The following ASH1L variants were observed in gnomAD, a reference collection of about 807,000 sequenced individuals.
ASH1L encodes histone-lysine N-methyltransferase ASH1L.
Under a neutral mutation model 269.0 loss-of-function variants are expected in ASH1L, and 23 were observed. The observed-to-expected ratio is 0.09, with a 90% CI of 0.06 to 0.12. ASH1L has a LOEUF of 0.12. Ranked by LOEUF, ASH1L falls within the 10% of genes least tolerant of loss-of-function variation. The pLI is 1.00. For missense variants in ASH1L, 2,912 were observed against 3,567.8 expected (o/e 0.82, Z 4.68); for synonymous variants, 1,187 against 1,253.5 (o/e 0.95, Z 1.12).
At chr1:155,339,294 C>T in intron 26 of ASH1L, 34 bp downstream of exon 26, 4 of 1,602,092 alleles carry the variant, frequency 2.5e-6, no homozygotes, top group Non-Finnish European at 3.4e-6. Context: ...TTAGTCAATC[C>T]CTTAGGATCC....
intron 2 of ASH1L, among the ~76,000 whole-genome samples, chr1:155,506,247 A>C (rs2148807155): frequency 6.6e-6 from 1 of 152,382 alleles, no homozygotes; most frequent in Non-Finnish European, 1.5e-5. Flanking sequence ...ACAAAGGAAA[A>C]AAATCCAAAA....
chr1:155,345,935 A>C, intron 21 of ASH1L: 1 of 333,378 alleles, frequency 3.0e-6, no homozygotes, highest in South Asian at 2.4e-5. Flanking sequence ...GGGTTCTAGC[A>C]GTTCTCTTGC....
chr1:155,554,463 G>A (rs1052977600), intron 1 of ASH1L, among the ~76,000 whole-genome samples: 3 of 152,038 alleles, frequency 2.0e-5, no homozygotes. Context: ...GTAGAGATGG[G>A]ATTTCTCCAT....
Position 155,410,366 on chromosome 1 carries a change from C to T in ASH1L, c.6008+5378G>A, listed in dbSNP as rs183409983. Among the ~76,000 whole-genome samples, 83 of 152,092 alleles carry T rather than the reference C, an allele frequency of 5.5e-4. No homozygotes were observed. The East Asian group carries it at 0.013, about 23-fold the overall frequency. ...TCACCCAGGCTGGAGTGCAATGGTG[C>T]GATCTCGGCTCACTGCAACCTCTGC... is the stretch of plus-strand genomic sequence containing the variant. On this transcript the variant is annotated intron_variant, in intron 6 of 27. Coordinates refer to ENST00000392403, the MANE Select transcript of ASH1L (RefSeq NM_018489.3).
At chr1:155,485,670 T>C (rs1273270108) in intron 2 of ASH1L, among the ~76,000 whole-genome samples, 1 of 151,980 alleles carries the variant, frequency 6.6e-6, no homozygotes, top group East Asian at 1.9e-4. Flanking sequence ...TAAAAGGCTA[T>C]ACTTTTAAGA....
At chr1:155,404,904 T>C (rs2148508510) in intron 6 of ASH1L, among the ~76,000 whole-genome samples, 1 of 151,926 alleles carries the variant, frequency 6.6e-6, no homozygotes, top group Middle Eastern at 3.4e-3. Flanking sequence ...GGTGCGTGCC[T>C]GTGGTCCCAG....
At position 155,335,781 on chromosome 1, in the gene ASH1L, T is replaced by G. The variant is rs932938086; in HGVS notation, c.*1879A>C. 1.3e-5 allele frequency: 2 copies of G among 152,690 alleles called. No individual in the cohort carries two copies. Among genetic ancestry groups the G allele is most frequent in the African/African-American group, 2.4e-5 (1 of 41,416 alleles). The allele number at this position is 152,690 out of a possible 1,614,324, so 9.5% of individuals were successfully genotyped here. ...AAGTTTTTTTTTCTTTTTCATCTTT[T>G]TTAAAATTTTAGTGTTTAACACTAT... is the stretch of plus-strand genomic sequence containing the variant. On this transcript the variant is annotated 3_prime_UTR_variant, in exon 28 of 28. Transcript: ENST00000392403.
Position 155,337,602 on chromosome 1 carries a change from G to A in ASH1L, c.*58C>T. The A allele has an allele frequency of 7.0e-7, 1 of 1,437,358 alleles. No individual in the cohort carries two copies. Among genetic ancestry groups the A allele is most frequent in the Non-Finnish European group, 9.8e-7 (1 of 1,020,430 alleles). 89.0% of individuals were successfully genotyped at this position (1,437,358 alleles called of 1,614,324 possible). A position where few individuals can be genotyped will look rare whatever the true frequency, so the allele number is the denominator to read the frequency against. On this transcript the variant is annotated 3_prime_UTR_variant, in exon 28 of 28. Coordinates refer to ENST00000392403, the MANE Select transcript of ASH1L (RefSeq NM_018489.3). ...CCCTGTCTATACCCAGAGAGCAGGA[G>A]GCAGGACTGATTAGCTCCACTGGAT...
chr1:155,515,971 A>C (rs1032157282), intron 2 of ASH1L, among the ~76,000 whole-genome samples: 2 of 152,054 alleles, frequency 1.3e-5, no homozygotes, highest in African/African-American at 4.8e-5. Context: ...AGAAAACTTT[A>C]TCCTTTGAGG....
At chr1:155,483,085 C>G (rs1666067026) in intron 2 of ASH1L, among the ~76,000 whole-genome samples, 2 of 152,146 alleles carry the variant, frequency 1.3e-5, no homozygotes, top group Admixed American at 6.5e-5. Context: ...AAGTCATTTA[C>G]CGTAAAATGC....
intron 12 of ASH1L, among the ~76,000 whole-genome samples, chr1:155,361,970 C>G (rs1558032305): frequency 2.0e-5 from 3 of 151,602 alleles, no homozygotes; most frequent in Admixed American, 6.6e-5. Context: ...CTACCAATCT[C>G]TATCACATGA....
chr1:155,513,517 G>A (rs922215757), intron 2 of ASH1L, among the ~76,000 whole-genome samples: 1 of 150,944 alleles, frequency 6.6e-6, no homozygotes, highest in African/African-American at 2.4e-5. Flanking sequence ...GCTGCAGTGA[G>A]CTGTGATTAT....
chr1:155,512,696 C>A (rs1206187584), intron 2 of ASH1L, among the ~76,000 whole-genome samples: 1 of 151,654 alleles, frequency 6.6e-6, no homozygotes, highest in Non-Finnish European at 1.5e-5. Flanking sequence ...AAGTGATCCA[C>A]CCGCCTCGGC....
chr1:155,381,219 T>C (rs1656915409), intron 7 of ASH1L, among the ~76,000 whole-genome samples: 1 of 152,244 alleles, frequency 6.6e-6, no homozygotes, highest in East Asian at 1.9e-4. Context: ...ATTAATATAC[T>C]ATACTTTTCA....
chr1:155,498,745 G>A (rs1006230588), intron 2 of ASH1L, among the ~76,000 whole-genome samples: 5 of 151,922 alleles, frequency 3.3e-5, no homozygotes, highest in African/African-American at 4.8e-5. Flanking sequence ...CTGACCAGCC[G>A]GCTAGTTTTT....
intron 10 of ASH1L, among the ~76,000 whole-genome samples, chr1:155,374,041 T>G (rs777583477): frequency 4.6e-5 from 7 of 152,090 alleles, no homozygotes; most frequent in Non-Finnish European, 1.0e-4. Context: ...TAATAATAAT[T>G]TTAAAGGCCG....
chr1:155,437,282 T>C (rs1454747244), intron 5 of ASH1L, among the ~76,000 whole-genome samples: 2 of 152,026 alleles, frequency 1.3e-5, no homozygotes, highest in African/African-American at 2.4e-5. Flanking sequence ...AATCAAAAAA[T>C]TGAAAAAGCG....
intron 1 of ASH1L, among the ~76,000 whole-genome samples, chr1:155,554,076 G>A (rs553528104): frequency 3.3e-5 from 5 of 150,480 alleles, no homozygotes; most frequent in East Asian, 2.0e-4. Context: ...CACTGCGCCC[G>A]GCCCGAGTTT....
chr1:155,537,869 C>G (rs1670161367), intron 1 of ASH1L, among the ~76,000 whole-genome samples: 2 of 152,064 alleles, frequency 1.3e-5, no homozygotes, highest in Admixed American at 1.3e-4. Context: ...TGATAGTACA[C>G]ATTCCTGCCA....
Sources: allele counts gnomAD v4.1 joint callset (sites outside exome capture counted in the v4.1 genomes callset), GRCh38; gene constraint gnomAD v4.1.1; transcripts MANE v1.5; gene names NCBI Gene and HGNC (gene_info 2026-07-23, HGNC 2026-07-21).